ZNF618: variants seen among roughly 807,000 people sequenced by gnomAD.
The protein encoded by ZNF618 is zinc finger protein 618.
ZNF618 carries 34 observed loss-of-function variants against 103.0 expected under a neutral mutation model. That is an observed-to-expected ratio of 0.33 (90% CI 0.25 to 0.44). The LOEUF is 0.44. ZNF618 is among the 20% of genes least tolerant of loss of function. The probability of loss-of-function intolerance (pLI) is 1.00; values close to 1 mark genes in which losing one functional copy is unlikely to be tolerated. For synonymous variants in ZNF618, 551 were observed against 542.2 expected, an observed-to-expected ratio of 1.02 and a Z score of -0.23; for missense variants, 1,059 against 1,295.4, an observed-to-expected ratio of 0.82 and a Z score of 2.80.
intron 10 of ZNF618, among the ~76,000 whole-genome samples, chr9:114,019,159 A>ATCATATTCT (rs1394604100): frequency 4.3e-5 from 6 of 140,804 alleles, no homozygotes; most frequent in African/African-American, 1.5e-4. Flanking sequence ...TTCATATTTT[A>ATCATATTCT]TCATATTCTC....
intron 1 of ZNF618, among the ~76,000 whole-genome samples, chr9:113,967,900 A>G (rs1298196336): frequency 6.6e-6 from 1 of 152,096 alleles, no homozygotes; most frequent in Non-Finnish European, 1.5e-5. Flanking sequence ...TATCCAGTTT[A>G]ATAAGAGAAG....
intron 11 of ZNF618, 43 bp from the exon 12 acceptor site, chr9:114,032,602 C>G: frequency 6.3e-7 from 1 of 1,589,286 alleles, no homozygotes; most frequent in Non-Finnish European, 8.6e-7. Context: ...CTAGTGCTGA[C>G]CAATCACCAT....
intron 10 of ZNF618, among the ~76,000 whole-genome samples, chr9:114,025,854 C>T (rs1843453114): frequency 6.6e-6 from 1 of 152,230 alleles, no homozygotes; most frequent in Non-Finnish European, 1.5e-5. Flanking sequence ...TTCCTGGCCG[C>T]TCACGCATTG....
chr9:113,948,886 C>A (rs372061709), intron 1 of ZNF618, among the ~76,000 whole-genome samples: 6 of 152,238 alleles, frequency 3.9e-5, no homozygotes, highest in Non-Finnish European at 8.8e-5. Context: ...TCTGCACTTA[C>A]CAGCTTGGTG....
intron 1 of ZNF618, among the ~76,000 whole-genome samples, chr9:113,965,014 T>C (rs1198257350): frequency 6.7e-6 from 1 of 150,054 alleles, no homozygotes; most frequent in Non-Finnish European, 1.5e-5. Flanking sequence ...AAAAAAAATG[T>C]AATCATATAA....
intron 1 of ZNF618, among the ~76,000 whole-genome samples, chr9:113,966,696 T>G (rs1421923328): frequency 6.6e-6 from 1 of 152,186 alleles, no homozygotes; most frequent in Non-Finnish European, 1.5e-5. Context: ...CACATGTGTC[T>G]TGGACATCTC....
At chr9:113,898,441 T>TTG (rs1830231253) in intron 1 of ZNF618, among the ~76,000 whole-genome samples, 1 of 150,628 alleles carries the variant, frequency 6.6e-6, no homozygotes, top group Admixed American at 6.6e-5. Context: ...ATTTTTCGTT[T>TTG]TTTTTTTTTT....
At chr9:114,033,400 A>T (rs1349980281) in intron 12 of ZNF618, among the ~76,000 whole-genome samples, 2 of 144,478 alleles carry the variant, frequency 1.4e-5, no homozygotes, top group African/African-American at 2.9e-5. Context: ...AGAGAGAGAG[A>T]GAGAGAGAGA....
chr9:114,031,349 C>T (rs571622541), intron 11 of ZNF618, among the ~76,000 whole-genome samples: 2 of 152,232 alleles, frequency 1.3e-5, no homozygotes, highest in South Asian at 2.1e-4. Context: ...GGAGGGTTGT[C>T]CTTGTAATGT....
intron 13 of ZNF618, among the ~76,000 whole-genome samples, chr9:114,037,138 G>A (rs1300369183): frequency 2.0e-5 from 3 of 152,164 alleles, no homozygotes; most frequent in Non-Finnish European, 2.9e-5. Flanking sequence ...GCTGGAATAA[G>A]TAAATAATTC....
rs192886432 is a variant in ZNF618 at position 113,901,151 on chromosome 9, G to C, written c.33+24738G>C. ...TAGCACCGTCTTCTCCCGCGAACCC[G>C]AGCTCCTGTCTCCTAGCACTGTCCT... On this transcript the variant is annotated intron_variant, in intron 1 of 14. Transcript: ENST00000374126. Among the ~76,000 whole-genome samples the C allele has an allele frequency of 5.9e-5, 9 of 152,156 alleles. 1 individual carries two copies. In the East Asian group the frequency reaches 1.6e-3, roughly 26 times the overall value.
chr9:113,888,978 G>T (rs777234101), intron 1 of ZNF618, among the ~76,000 whole-genome samples: 1 of 152,134 alleles, frequency 6.6e-6, no homozygotes, highest in Non-Finnish European at 1.5e-5. Flanking sequence ...CTGATTGCCA[G>T]GGTTCCACAT....
chr9:114,005,515 C>A (rs1841661472), intron 6 of ZNF618, among the ~76,000 whole-genome samples: 1 of 152,160 alleles, frequency 6.6e-6, no homozygotes, highest in Non-Finnish European at 1.5e-5. Flanking sequence ...AGTGAGGGGT[C>A]AGGCCCAGCT....
At position 113,969,231 on chromosome 9, in the gene ZNF618, C is replaced by T. The variant is rs545969916; in HGVS notation, c.77+71C>T. On this transcript the variant is annotated intron_variant, in intron 2 of 14. Transcript: ENST00000374126. ...GTCTTCATGACTAACAGTTACCACTCTCTGGTCCTCATCTTCCCCCTGGAA... is the reference window on the plus strand; with the variant it reads ...GTCTTCATGACTAACAGTTACCACTTTCTGGTCCTCATCTTCCCCCTGGAA... The T allele has an allele frequency of 1.9e-4, 304 of 1,575,752 alleles. 8 individuals carry two copies. In the South Asian group the frequency reaches 3.3e-3, roughly 17 times the overall value.
chr9:113,961,261 T>G (rs1245250760), intron 1 of ZNF618, among the ~76,000 whole-genome samples: 1 of 152,206 alleles, frequency 6.6e-6, no homozygotes, highest in Non-Finnish European at 1.5e-5. Flanking sequence ...AATTATAAAC[T>G]GATTGATTGA....
At chr9:113,915,327 C>CAAAG (rs1393227694) in intron 1 of ZNF618, among the ~76,000 whole-genome samples, 2 of 152,158 alleles carry the variant, frequency 1.3e-5, no homozygotes, top group African/African-American at 4.8e-5. Flanking sequence ...CTGTTGACAT[C>CAAAG]CGCTACTGTC....
chr9:114,023,887 G>A (rs562418637), intron 10 of ZNF618, among the ~76,000 whole-genome samples: 7 of 151,990 alleles, frequency 4.6e-5, no homozygotes, highest in Admixed American at 4.6e-4. Context: ...GTATTTCTTG[G>A]GTTAATAGTT....
At chr9:113,952,825 GT>G (rs770297250) in intron 1 of ZNF618, among the ~76,000 whole-genome samples, 102 of 152,318 alleles carry the variant, frequency 6.7e-4, no homozygotes, top group Non-Finnish European at 1.1e-3. Context: ...TTGCCATGCA[GT>G]TGGACTGCTC....
At chr9:113,964,138 C>T (rs1317154398) in intron 1 of ZNF618, among the ~76,000 whole-genome samples, 1 of 152,104 alleles carries the variant, frequency 6.6e-6, no homozygotes, top group Non-Finnish European at 1.5e-5. Flanking sequence ...TTGGAAATGC[C>T]CCCTCCAAGA....
Sources: allele counts gnomAD v4.1 joint callset (sites outside exome capture counted in the v4.1 genomes callset), GRCh38; gene constraint gnomAD v4.1.1; transcripts MANE v1.5; gene names NCBI Gene and HGNC (gene_info 2026-07-23, HGNC 2026-07-21).